The following SLC22A12 variants were observed in gnomAD, a reference collection of about 807,000 sequenced individuals.
The protein encoded by SLC22A12 is solute carrier family 22 member 12.
SLC22A12 carries 56 observed loss-of-function variants against 52.7 expected under a neutral mutation model. The ratio of observed to expected loss-of-function variants is 1.06; its 90% CI spans 0.86 to 1.33. SLC22A12 has a LOEUF of 1.33. Among genes scored for constraint, SLC22A12 ranks in the 40% most tolerant of loss-of-function variants. SLC22A12 has a pLI of 0.00. For missense variants in SLC22A12, 683 were observed against 741.5 expected (o/e 0.92, Z 0.92); for synonymous variants, 337 against 324.6 (o/e 1.04, Z -0.41).
At position 64,600,731 on chromosome 11, in the gene SLC22A12, G is replaced by A. The variant is rs950524295; in HGVS notation, c.1395-4G>A. 2.5e-6 allele frequency: 4 copies of A among 1,604,370 alleles called. No individual in the cohort carries two copies. In the African/African-American group the frequency reaches 5.3e-5, roughly 21 times the overall value. ...GGCGCTTATAGGTGCATCTGCATTG[G>A]CAGGATGACGGCAGTGGGCTTGGGC... On this transcript the variant is annotated splice_region_variant and splice_polypyrimidine_tract_variant and intron_variant, in intron 8 of 9. Transcript: ENST00000377574.
chr11:64,599,358 C>T (rs923233620), intron 6 of SLC22A12, among the ~76,000 whole-genome samples: 4 of 152,032 alleles, frequency 2.6e-5, no homozygotes, highest in Admixed American at 2.0e-4. Context: ...GCTGGAGCCA[C>T]GGAAGGGACA....
intron 4 of SLC22A12, among the ~76,000 whole-genome samples, chr11:64,594,585 G>A (rs1017038396): frequency 6.6e-6 from 1 of 152,228 alleles, no homozygotes; most frequent in Non-Finnish European, 1.5e-5. Flanking sequence ...GAGTGGATGG[G>A]TGAGTTGGTG....
chr11:64,592,482 T>C (rs1227692649), intron 1 of SLC22A12, among the ~76,000 whole-genome samples: 1 of 151,968 alleles, frequency 6.6e-6, no homozygotes, highest in African/African-American at 2.4e-5. Context: ...GGGTGTCAGC[T>C]TGGGTGGCTG....
chr11:64,598,969 T>C, intron 6 of SLC22A12, 46 bp downstream of exon 6: 1 of 1,601,704 alleles, frequency 6.2e-7, no homozygotes, highest in Non-Finnish European at 8.5e-7. Flanking sequence ...GAACCTGGAA[T>C]CGGGGCTCTC....
At position 64,599,578 on chromosome 11, in the gene SLC22A12, A is replaced by G. The variant is rs1705361; in HGVS notation, c.1071-98A>G. 431,765 of 436,632 alleles carry G rather than the reference A, an allele frequency of 0.99. 213,681 individuals carry two copies. Among genetic ancestry groups the G allele is most frequent in the Non-Finnish European group, 1 (240,932 of 241,408 alleles). The allele number at this position is 436,632 out of a possible 1,614,324, so 27.0% of individuals were successfully genotyped here. On this transcript the variant is annotated intron_variant, in intron 6 of 9. Coordinates refer to ENST00000377574, the MANE Select transcript of SLC22A12 (RefSeq NM_144585.4). ...CAGAACACTGAGCTAAGAGCAGCAC[A>G]CCCCCACCCTGAGCCCCCACCGCCC...
intron 8 of SLC22A12, 104 bp downstream of exon 8, chr11:64,600,579 A>G: frequency 2.9e-6 from 4 of 1,357,998 alleles, no homozygotes; most frequent in South Asian, 2.5e-5. Flanking sequence ...CATGTCATGC[A>G]TCTCCCTCTT....
intron 2 of SLC22A12, among the ~76,000 whole-genome samples, 190 bp from the exon 3 acceptor site, chr11:64,593,215 T>C (rs2135443595): frequency 6.6e-6 from 1 of 152,378 alleles, no homozygotes; most frequent in Non-Finnish European, 1.5e-5. Flanking sequence ...TCCCTTTGGC[T>C]CTGGCCTCGG....
At position 64,600,934 on chromosome 11, in the gene SLC22A12, A is replaced by G; in HGVS notation, c.1594A>G (p.Asn532Asp). The G allele has an allele frequency of 6.2e-7, 1 of 1,608,080 alleles. No individual in the cohort carries two copies. The highest frequency in any genetic ancestry group is 8.5e-7 in the Non-Finnish European group (1 of 1,179,952). Residue 532 changes from asparagine (N) to aspartate (D), a missense_variant, in exon 9 of 10, where the codon AAC (asparagine) becomes GAC (aspartate). Asn to Asp is a conservative substitution (Grantham distance 23). Coordinates refer to ENST00000377574, the MANE Select transcript of SLC22A12 (RefSeq NM_144585.4). ...PLPDTIQDVQNQAVKKATHGT... is the reference protein window; with the variant it reads ...PLPDTIQDVQDQAVKKATHGT... Reference sequence around the variant, plus strand: ...GCCCGACACCATCCAAGATGTGCAGAACCAGTGAGTGGACCCAGCCTCGGG... The same window carrying G: ...GCCCGACACCATCCAAGATGTGCAGGACCAGTGAGTGGACCCAGCCTCGGG...
rs545024143 is a variant in SLC22A12, at chr11:64,600,452, C to T, written c.1371C>T (p.Ser457=). 16 of 1,606,024 alleles carry T rather than the reference C, an allele frequency of 1.0e-5. No homozygotes were observed. Among genetic ancestry groups the T allele is most frequent in the Middle Eastern group, 1.7e-4 (1 of 6,014 alleles). ...AAFTCITIYS[S]ELFPTVLRMT... Reference sequence around the variant, plus strand: ...TCACCTGCATCACCATCTACAGCAGCGAGCTCTTCCCCACTGTGCTCAGGT... The same window carrying T: ...TCACCTGCATCACCATCTACAGCAGTGAGCTCTTCCCCACTGTGCTCAGGT... Residue 457 remains serine, a synonymous_variant, in exon 8 of 10, where the codon AGC becomes AGT. Transcript: ENST00000377574.
chr11:64,596,731 G>A (rs12786214), intron 4 of SLC22A12, among the ~76,000 whole-genome samples: 77,132 of 152,050 alleles, frequency 0.51, 23,359 homozygotes, highest in Non-Finnish European at 0.69. Context: ...GGAGGCAATC[G>A]TGTCCGACAA....
At position 64,598,885 on chromosome 11, in the gene SLC22A12, C is replaced by T. The variant is rs370083633; in HGVS notation, c.1032C>T (p.Pro344=). The change falls in exon 6 of 10, where the codon CCC becomes CCT. Residue 344 remains proline (P), a synonymous_variant. Transcript: ENST00000377574. ...GCCTGGGCACCCTGCTCCGCATGCC[C>T]GGACTGCGCTTCCGGACCTGTATCT... ...PASLGTLLRM[P]GLRFRTCIST... is the part of the protein sequence containing the mutation. The T allele has an allele frequency of 2.0e-5, 33 of 1,612,816 alleles. No homozygotes were observed. The highest frequency in any genetic ancestry group is 1.3e-4 in the East Asian group (6 of 44,888).
At chr11:64,599,059 C>T (rs979076403) in intron 6 of SLC22A12, 136 bp downstream of exon 6, 18 of 1,305,452 alleles carry the variant, frequency 1.4e-5, no homozygotes, top group Non-Finnish European at 1.8e-5. Context: ...CTCTGTCAGT[C>T]ACTCCCGACA....
At chr11:64,599,041 A>G (rs565098919) in intron 6 of SLC22A12, 118 bp downstream of exon 6, 1 of 1,396,590 alleles carries the variant, frequency 7.2e-7, no homozygotes, top group African/African-American at 1.4e-5. Flanking sequence ...CAACACCGAC[A>G]CCTTCCCCTC....
chr11:64,598,472 G>A (rs768253375), intron 4 of SLC22A12, 44 bp from the exon 5 acceptor site: 10 of 1,550,462 alleles, frequency 6.4e-6, no homozygotes, highest in South Asian at 2.4e-5. Context: ...GCCAGGCACT[G>A]GGGGCCACAG....
chr11:64,597,131 C>G (rs1483238548), intron 4 of SLC22A12, among the ~76,000 whole-genome samples: 1 of 152,140 alleles, frequency 6.6e-6, no homozygotes, highest in South Asian at 2.1e-4. Context: ...CGCTTTCTCC[C>G]TCCCAGTCAC....
chr11:64,599,609 T>TCCCA, intron 6 of SLC22A12, 67 bp from the exon 7 acceptor site: 1 of 221,474 alleles, frequency 4.5e-6, no homozygotes, highest in Non-Finnish European at 8.1e-6. Flanking sequence ...CGCCCATTGT[T>TCCCA]CCCACCCTGC....
In SLC22A12 at chr11:64,601,494, A is replaced by G. The variant is rs1565142921; in HGVS notation, c.1605A>G (p.Val535=). Residue 535 remains valine, a synonymous_variant, in exon 10 of 10, where the codon GTA becomes GTG. Coordinates refer to ENST00000377574, the MANE Select transcript of SLC22A12 (RefSeq NM_144585.4). ...DTIQDVQNQA[V]KKATHGTLGN... ...CCGTGTGCTTCCTGAACAGGGCAGT[A>G]AAGAAGGCAACACATGGCACGCTGG... is the stretch of plus-strand genomic sequence containing the variant. 1.9e-6 allele frequency: 3 copies of G among 1,613,790 alleles called. No individual in the cohort carries two copies. In the African/African-American group the frequency reaches 4.0e-5, roughly 22 times the overall value.
chr11:64,598,842 T>C lies in SLC22A12; in HGVS notation c.989T>C (p.Met330Thr), dbSNP rs756853091. ...TCAGCCATGCGGGAGGAGCTGAGCA[T>C]GGGCCAGCCTCCTGCCAGCCTGGGC... ...LLSAMREELS[M>T]GQPPASLGTL... The change falls in exon 6 of 10, where the codon ATG becomes ACG. Residue 330 changes from methionine to threonine, a missense_variant. Coordinates refer to ENST00000377574, the MANE Select transcript of SLC22A12 (RefSeq NM_144585.4). 7 of 1,612,706 alleles carry C rather than the reference T, an allele frequency of 4.3e-6. No homozygotes were observed. The highest frequency in any genetic ancestry group is 5.9e-6 in the Non-Finnish European group (7 of 1,179,962).
intron 4 of SLC22A12, among the ~76,000 whole-genome samples, chr11:64,595,969 ATGGAT>A (rs2039187717): frequency 8.7e-6 from 1 of 114,750 alleles, no homozygotes; most frequent in Non-Finnish European, 1.8e-5. Flanking sequence ...GATGGATGGA[ATGGAT>A]GGATGGTTGG....
Sources: allele counts gnomAD v4.1 joint callset (sites outside exome capture counted in the v4.1 genomes callset), GRCh38; gene constraint gnomAD v4.1.1; transcripts MANE v1.5; gene names NCBI Gene and HGNC (gene_info 2026-07-23, HGNC 2026-07-21).